The following WDR81 variants were observed in gnomAD, a reference collection of about 807,000 sequenced individuals.
WDR81 encodes the protein WD repeat domain 81.
WDR81 carries 92 observed loss-of-function variants against 140.8 expected under a neutral mutation model. The observed-to-expected ratio is 0.65, with a 90% CI of 0.55 to 0.78. The LOEUF is 0.78. WDR81 is among the 30% of genes least tolerant of loss of function. The pLI is 0.00. For missense variants in WDR81, 2,502 were observed against 2,636.4 expected (o/e 0.95, Z 1.12); for synonymous variants, 1,183 against 1,156.4 (o/e 1.02, Z -0.47).
chr17:1,721,448 A>T (rs1226625875), upstream of WDR81, among the ~76,000 whole-genome samples: 1 of 149,856 alleles, frequency 6.7e-6, no homozygotes, highest in Non-Finnish European at 1.5e-5. Flanking sequence ...GAGCCTGGGG[A>T]GGTCGAGGCT....
At chr17:1,717,061 G>A (rs957023245) in intron 1 of WDR81, 1 of 204,198 alleles carries the variant, frequency 4.9e-6, no homozygotes, top group Non-Finnish European at 1.0e-5. Context: ...AGGGCTTCTG[G>A]TCAGAAATTA....
intron 9 of WDR81, among the ~76,000 whole-genome samples, chr17:1,736,940 A>C (rs1250204427): frequency 1.3e-5 from 2 of 152,080 alleles, no homozygotes; most frequent in Non-Finnish European, 2.9e-5. Flanking sequence ...CTAACTTTCC[A>C]AGAAAGTGTC....
chr17:1,737,404 C>A lies in WDR81; in HGVS notation c.5545C>A (p.His1849Asn). 6.2e-7 allele frequency: 1 copy of A among 1,612,700 alleles called. No individual in the cohort carries two copies. The highest frequency in any genetic ancestry group is 8.5e-7 in the Non-Finnish European group (1 of 1,179,844). ...GSVLVSSSSD[H>N]SLTVWKELEQ... ...CGTCCTGGTCAGCTCCTCCTCTGACCATTCCTTGACCGTCTGGAAGGAGCT... is the reference window on the plus strand; with the variant it reads ...CGTCCTGGTCAGCTCCTCCTCTGACAATTCCTTGACCGTCTGGAAGGAGCT... Residue 1849 changes from histidine to asparagine, a missense_variant, in exon 10 of 10, where the codon CAT becomes AAT. His to Asn is a moderately conservative substitution (Grantham distance 68). Coordinates refer to ENST00000409644, the MANE Select transcript of WDR81 (RefSeq NM_001163809.2).
At position 1,726,179 on chromosome 17, in the gene WDR81, A is replaced by G. The variant is rs947911583; in HGVS notation, c.1220A>G (p.Asn407Ser). Reference protein sequence around the residue: ...RDLRKSKFRLNKGDKQLDFTY... With the variant: ...RDLRKSKFRLSKGDKQLDFTY... ...CTGCGCAAGTCCAAGTTCCGCCTCAACAAGGGGGATAAGCAACTGGACTTC... is the reference window on the plus strand; with the variant it reads ...CTGCGCAAGTCCAAGTTCCGCCTCAGCAAGGGGGATAAGCAACTGGACTTC... Residue 407 changes from asparagine (N) to serine (S), a missense_variant, in exon 1 of 10, where the codon AAC becomes AGC. This residue lies in a region of WDR81 where 218 missense variants were observed against 279.6 expected (regional missense o/e 0.78). Transcript: ENST00000409644. 12 of 1,520,306 alleles carry G rather than the reference A, an allele frequency of 7.9e-6. No homozygotes were observed. The highest frequency in any genetic ancestry group is 5.5e-5 in the African/African-American group (4 of 72,464). 94.2% of individuals were successfully genotyped at this position (1,520,306 alleles called of 1,614,324 possible).
At chr17:1,737,173 G>T (rs543494541) in intron 9 of WDR81, among the ~76,000 whole-genome samples, 192 bp from the exon 10 acceptor site, 2 of 152,202 alleles carry the variant, frequency 1.3e-5, no homozygotes, top group African/African-American at 2.4e-5. Flanking sequence ...GTGACGACTG[G>T]GTTACGGATG....
In WDR81 at chr17:1,727,271, T is replaced by G; in HGVS notation, c.2312T>G (p.Met771Arg). The G allele has an allele frequency of 6.5e-7, 1 of 1,550,284 alleles. No individual in the cohort carries two copies. Among genetic ancestry groups the G allele is most frequent in the Non-Finnish European group, 8.7e-7 (1 of 1,146,952 alleles). ...VPLQCLLHRDMQALGVLLAEM... is the reference protein window; with the variant it reads ...VPLQCLLHRDRQALGVLLAEM... ...CTGCAGTGCCTACTCCACAGGGACA[T>G]GCAGGCGCTGGGTGTCCTATTGGCA... The change falls in exon 1 of 10, where the codon ATG becomes AGG. Residue 771 changes from methionine to arginine, a missense_variant. Around this residue, in one of 3 missense-constraint regions of WDR81, gnomAD observed 1,737 missense variants for 1,843.0 expected, o/e 0.94. Transcript: ENST00000409644.
chr17:1,719,198 T>C (rs998140495), intron 1 of WDR81, among the ~76,000 whole-genome samples: 1 of 152,208 alleles, frequency 6.6e-6, no homozygotes, highest in Non-Finnish European at 1.5e-5. Context: ...CAACATACGG[T>C]GAATAAGGAA....
chr17:1,733,609 C>G lies in WDR81; in HGVS notation c.4572C>G (p.Ser1524Arg). Residue 1524 changes from serine to arginine, a missense_variant, in exon 7 of 10, where the codon AGC (serine) becomes AGG (arginine). Transcript: ENST00000409644. Reference protein sequence around the residue: ...AALYLESISPSSRNPASVEPT... With the variant: ...AALYLESISPRSRNPASVEPT... ...TGTACTTGGAGAGCATCAGCCCCAG[C>G]AGTCGCAACCCTGCCAGCGTGGAGC... 1.3e-6 allele frequency: 2 copies of G among 1,579,178 alleles called. No homozygotes were observed. Among genetic ancestry groups the G allele is most frequent in the South Asian group, 2.3e-5 (2 of 86,606 alleles).
At position 1,733,861 on chromosome 17, in the gene WDR81, G is replaced by T; in HGVS notation, c.4824G>T (p.Arg1608=). The change falls in exon 7 of 10, where the codon CGG becomes CGT. Residue 1608 remains arginine (R), a synonymous_variant. Transcript: ENST00000409644. ...ACGCCCTGAAGCAGGAGCTGCCGCG[G>T]AGCGTGCACGGGCTGAGCGGAAACT... ...DDNALKQELP[R]SVHGLSGNWL... The T allele has an allele frequency of 6.2e-7, 1 of 1,612,812 alleles. No homozygotes were observed. Among genetic ancestry groups the T allele is most frequent in the Non-Finnish European group, 8.5e-7 (1 of 1,179,942 alleles).
intron 6 of WDR81, 142 bp from the exon 7 acceptor site, chr17:1,733,385 C>T (rs1904538198): frequency 3.8e-6 from 3 of 795,078 alleles, no homozygotes; most frequent in South Asian, 2.0e-5. Context: ...GAGGAGGAAA[C>T]TGAGGCTCAG....
chr17:1,726,352 G>A lies in WDR81; in HGVS notation c.1393G>A (p.Gly465Arg), dbSNP rs545939584. ...ARRTPRSVLC[G>R]HVRAQWEPHE... ...GCGCACGCCTCGGTCGGTGCTCTGC[G>A]GACACGTCCGCGCGCAGTGGGAGCC... The change falls in exon 1 of 10, where the codon GGA becomes AGA. Residue 465 changes from glycine (G) to arginine (R), a missense_variant. Transcript: ENST00000409644. 10 of 1,547,532 alleles carry A rather than the reference G, an allele frequency of 6.5e-6. No individual in the cohort carries two copies. The highest frequency in any genetic ancestry group is 3.9e-5 in the Admixed American group (2 of 50,884).
rs539315509 is a variant in WDR81 at position 1,732,307 on chromosome 17, C to T, written c.4158-18C>T. 9 of 1,611,428 alleles carry T rather than the reference C, an allele frequency of 5.6e-6. No homozygotes were observed. Among genetic ancestry groups the T allele is most frequent in the Non-Finnish European group, 7.6e-6 (9 of 1,179,024 alleles). On this transcript the variant is annotated intron_variant, in intron 4 of 9. Coordinates refer to ENST00000409644, the MANE Select transcript of WDR81 (RefSeq NM_001163809.2). ...TCCTGCAGAACGGCGGGCTGGAGCTCATGAGCTCTGTTTCCAGGTTCCCAA... is the reference window on the plus strand; with the variant it reads ...TCCTGCAGAACGGCGGGCTGGAGCTTATGAGCTCTGTTTCCAGGTTCCCAA...
upstream of WDR81, among the ~76,000 whole-genome samples, chr17:1,720,360 A>C (rs1914798263): frequency 6.6e-6 from 1 of 152,228 alleles, no homozygotes. Context: ...GAAATTCCGG[A>C]AGAGAGCTGT....
Position 1,728,318 on chromosome 17 carries a change from G to C in WDR81, c.3359G>C (p.Gly1120Ala), listed in dbSNP as rs1309743665. 1 of 1,612,776 alleles carries C rather than the reference G, an allele frequency of 6.2e-7. No individual in the cohort carries two copies. Among genetic ancestry groups the C allele is most frequent in the Admixed American group, 1.7e-5 (1 of 60,004 alleles). Reference sequence around the variant, plus strand: ...AGCAGCACCAGCGAGACCTCCCTGGGTGAGGAGCGGGCTCCAGACGAGGGG... The same window carrying C: ...AGCAGCACCAGCGAGACCTCCCTGGCTGAGGAGCGGGCTCCAGACGAGGGG... ...DKSSTSETSL[G>A]EERAPDEGGA... Residue 1120 changes from glycine (G) to alanine (A), a missense_variant, in exon 1 of 10, where the codon GGT becomes GCT. Coordinates refer to ENST00000409644, the MANE Select transcript of WDR81 (RefSeq NM_001163809.2).
rs1915351314 is a variant in WDR81, at chr17:1,727,323, G to A, written c.2364G>A (p.Arg788=). 1.9e-6 allele frequency: 3 copies of A among 1,549,868 alleles called. No homozygotes were observed. The highest frequency in any genetic ancestry group is 2.6e-6 in the Non-Finnish European group (3 of 1,146,996). The change falls in exon 1 of 10, where the codon CGG becomes CGA. Residue 788 remains arginine (R), a synonymous_variant. Transcript: ENST00000409644. ...LAEMVFATRV[R]TLQPDAPLWV... is the part of the protein sequence containing the mutation. ...AGATGGTGTTTGCCACCAGGGTGCG[G>A]ACGCTGCAGCCCGATGCACCTTTGT... is the stretch of plus-strand genomic sequence containing the variant.
chr17:1,732,692 T>A lies in WDR81; in HGVS notation c.4350T>A (p.Arg1450=), dbSNP rs1163380979. 1 of 1,610,292 alleles carries A rather than the reference T, an allele frequency of 6.2e-7. No homozygotes were observed. The highest frequency in any genetic ancestry group is 1.7e-5 in the Admixed American group (1 of 59,708). ...QQDLKLDPAG[R]GEGQLPQVVF... is the part of the protein sequence containing the mutation. ...ATCTGAAGCTGGACCCTGCGGGCCG[T>A]GGTGAGGGCCAGCTGCCACAGGTGG... is the stretch of plus-strand genomic sequence containing the variant. The change falls in exon 6 of 10, where the codon CGT becomes CGA. Residue 1450 remains arginine, a synonymous_variant. Coordinates refer to ENST00000409644, the MANE Select transcript of WDR81 (RefSeq NM_001163809.2).
intron 1 of WDR81, among the ~76,000 whole-genome samples, chr17:1,717,911 GGC>G (rs1914666310): frequency 6.6e-6 from 1 of 152,146 alleles, no homozygotes; most frequent in African/African-American, 2.4e-5. Context: ...CCAGAATGGT[GGC>G]TGGCGCTGGG....
rs1915145334 is a variant in WDR81 at position 1,725,206 on chromosome 17, G to A, written c.247G>A (p.Gly83Arg). Residue 83 changes from glycine (G) to arginine (R), a missense_variant, in exon 1 of 10, where the codon GGA becomes AGA. Gly to Arg is a moderately radical substitution (Grantham distance 125, BLOSUM62 -2). Around this residue, in one of 3 missense-constraint regions of WDR81, gnomAD observed 547 missense variants for 513.8 expected, o/e 1.06. Coordinates refer to ENST00000409644, the MANE Select transcript of WDR81 (RefSeq NM_001163809.2). The stretch of plus-strand genomic sequence containing the variant: ...ACCCTGTCCCCGCGCAGAGGGCCTG[G>A]GAGAAGCGGAAGTCAGGACTCTCCT... The part of the protein sequence containing the change: ...LGPCPRAEGL[G>R]EAEVRTLLQR... 2.6e-6 allele frequency: 4 copies of A among 1,538,312 alleles called. No homozygotes were observed. The South Asian group carries it at 3.6e-5, about 14-fold the overall frequency.
Position 1,728,387 on chromosome 17 carries a change from G to A in WDR81, c.3428G>A (p.Ser1143Asn), listed in dbSNP as rs1915449534. The A allele has an allele frequency of 6.2e-7, 1 of 1,612,894 alleles. No individual in the cohort carries two copies. The highest frequency in any genetic ancestry group is 1.3e-5 in the African/African-American group (1 of 74,940). ...DKSSLRSGDS[S>N]QDLKQSEGSE... ...AGCAGCCTTCGATCAGGTGACAGCA[G>A]CCAGGACTTGAAGCAAAGCGAGGGC... Residue 1143 changes from serine to asparagine, a missense_variant, in exon 1 of 10, where the codon AGC becomes AAC. Ser to Asn is a conservative substitution (Grantham distance 46). Around this residue, in one of 3 missense-constraint regions of WDR81, gnomAD observed 1,737 missense variants for 1,843.0 expected, o/e 0.94. Transcript: ENST00000409644.
Sources: gnomAD v4.1 joint callset for allele counts (sites outside exome capture counted in the v4.1 genomes callset) on GRCh38, gnomAD v4.1.1 for gene constraint, gnomAD v4.1.1 regional missense constraint, MANE v1.5 for transcripts, NCBI Gene and HGNC (gene_info 2026-07-23, HGNC 2026-07-21) for gene names.